PTK2: variants seen among roughly 807,000 people sequenced by gnomAD.
PTK2 encodes focal adhesion kinase 1.
In PTK2, 45 loss-of-function variants were observed where a neutral mutation model predicts 150.1. The ratio of observed to expected loss-of-function variants is 0.30; its 90% CI spans 0.24 to 0.38. The LOEUF is 0.38. Ranked by LOEUF, PTK2 falls within the 10% of genes least tolerant of loss-of-function variation. The pLI is 1.00. For synonymous variants in PTK2, 432 were observed against 449.2 expected (o/e 0.96, Z 0.48); for missense variants, 919 against 1,307.3 (o/e 0.70, Z 4.58).
chr8:140,880,066 T>TC (rs2100148321), intron 3 of PTK2, among the ~76,000 whole-genome samples: 1 of 152,160 alleles, frequency 6.6e-6, no homozygotes, highest in South Asian at 2.1e-4. Context: ...ATCATACTGT[T>TC]CAAGACCAGG....
chr8:140,934,589 C>T (rs1341727074), intron 1 of PTK2: 1 of 152,246 alleles, frequency 6.6e-6, no homozygotes, highest in East Asian at 1.9e-4. Flanking sequence ...CCTCCAGTGG[C>T]TTCCCATCTG....
At chr8:140,949,278 A>G (rs1019952690) in intron 1 of PTK2, among the ~76,000 whole-genome samples, 13 of 152,356 alleles carry the variant, frequency 8.5e-5, no homozygotes, top group African/African-American at 2.9e-4. Flanking sequence ...TCCAGTCTAC[A>G]GTACTGATAG....
chr8:140,978,889 G>A (rs535271272), intron 1 of PTK2, among the ~76,000 whole-genome samples: 1 of 152,156 alleles, frequency 6.6e-6, no homozygotes, highest in Non-Finnish European at 1.5e-5. Flanking sequence ...ACTGGATTAA[G>A]ATAATGTGGC....
intron 4 of PTK2, among the ~76,000 whole-genome samples, chr8:140,872,152 C>G (rs1262164499): frequency 1.3e-5 from 2 of 152,182 alleles, no homozygotes; most frequent in Non-Finnish European, 2.9e-5. Flanking sequence ...TCAAGCGATT[C>G]TCCAGCCTCA....
At chr8:140,702,485 G>A (rs1273833250) in intron 25 of PTK2, 85 bp downstream of exon 28, 2 of 1,488,366 alleles carry the variant, frequency 1.3e-6, no homozygotes, top group East Asian at 2.3e-5. Context: ...TCCCAAAAGT[G>A]CTAGGATTAC....
chr8:140,840,860 C>T (rs576751487), intron 7 of PTK2, among the ~76,000 whole-genome samples: 2 of 152,162 alleles, frequency 1.3e-5, no homozygotes, highest in African/African-American at 4.8e-5. Flanking sequence ...TTTTAAAAGA[C>T]ACACCTGAAA....
At chr8:140,961,947 G>C (rs1410763442) in intron 1 of PTK2, among the ~76,000 whole-genome samples, 1 of 152,062 alleles carries the variant, frequency 6.6e-6, no homozygotes, top group Non-Finnish European at 1.5e-5. Context: ...TATTGAGTTA[G>C]TATCTTTAAA....
intron 16 of PTK2, among the ~76,000 whole-genome samples, chr8:140,754,827 A>T (rs950067547): frequency 6.6e-6 from 1 of 152,236 alleles, no homozygotes; most frequent in Non-Finnish European, 1.5e-5. Context: ...TAGAAGGGCC[A>T]GTTACAGAGA....
intron 1 of PTK2, among the ~76,000 whole-genome samples, chr8:140,989,212 TAAA>T (rs71310816): frequency 3.3e-5 from 2 of 60,580 alleles, no homozygotes; most frequent in Non-Finnish European, 5.8e-5. Flanking sequence ...ACCCTGTCTC[TAAA>T]AAAAAAAAAA....
chr8:140,780,411 A>T (rs1409520421), intron 14 of PTK2, among the ~76,000 whole-genome samples: 1 of 152,084 alleles, frequency 6.6e-6, no homozygotes, highest in Non-Finnish European at 1.5e-5. Context: ...GGAGGGGGGG[A>T]ATCAAGCCCA....
intron 29 of PTK2, chr8:140,672,011 CCCTAT>C: frequency 2.9e-6 from 1 of 344,294 alleles, no homozygotes; most frequent in Non-Finnish European, 5.7e-6. Context: ...TTGCTTCATA[CCCTAT>C]CCTAATTGTA....
At chr8:140,725,542 G>C (rs912057314) in intron 22 of PTK2, among the ~76,000 whole-genome samples, 4 of 152,208 alleles carry the variant, frequency 2.6e-5, no homozygotes, top group Admixed American at 2.0e-4. Flanking sequence ...TTACTGGCTT[G>C]AATAACCAGA....
Position 140,733,084 on chromosome 8 carries a change from T to G in PTK2, c.2030+2167A>C, listed in dbSNP as rs114377846. Among the ~76,000 whole-genome samples, 682 of 152,228 alleles carry G rather than the reference T, an allele frequency of 4.5e-3. 4 individuals carry two copies. The highest frequency in any genetic ancestry group is 0.016 in the African/African-American group (645 of 41,520). On this transcript the variant is annotated intron_variant, in intron 22 of 31. Transcript: ENST00000522684. ...CAGGGGAGTTATTTTTCCAGTGACA[T>G]TTCAGGAAGATTGACTAAGCTGGTC...
At chr8:140,734,050 T>C (rs2100051133) in intron 22 of PTK2, among the ~76,000 whole-genome samples, 2 of 152,210 alleles carry the variant, frequency 1.3e-5, no homozygotes, top group African/African-American at 4.8e-5. Flanking sequence ...CTTCTACCTA[T>C]AGGTCTTAAT....
At position 140,693,564 on chromosome 8, in the gene PTK2, TAAAAAA is replaced by T. The variant is rs377205785; in HGVS notation, c.2500-6876_2500-6871del. On this transcript the variant is annotated intron_variant, in intron 26 of 31. Transcript: ENST00000522684. ...CCACAGAGTGAGACTTTGTCTCAAT[TAAAAAA>T]AAAAAAAAAAAAAAAAAAAAAAAAA... Among the ~76,000 whole-genome samples the T allele has an allele frequency of 1.1e-4, 8 of 72,458 alleles. 1 individual carries two copies. Among genetic ancestry groups the T allele is most frequent in the East Asian group, 4.6e-4 (1 of 2,164 alleles). 47.5% of individuals were successfully genotyped at this position (72,458 alleles called of 152,430 possible). A position where few individuals can be genotyped will look rare whatever the true frequency, so the allele number is the denominator to read the frequency against.
intron 26 of PTK2, among the ~76,000 whole-genome samples, chr8:140,694,951 G>A (rs1043089121): frequency 5.9e-5 from 9 of 152,056 alleles, no homozygotes; most frequent in South Asian, 2.1e-4. Flanking sequence ...ACACTACACC[G>A]CACCAGGCGT....
chr8:140,813,990 G>T (rs907479739), intron 10 of PTK2, among the ~76,000 whole-genome samples: 3 of 152,126 alleles, frequency 2.0e-5, no homozygotes, highest in Non-Finnish European at 4.4e-5. Flanking sequence ...CAACCCCACA[G>T]AAATACAAAT....
At chr8:140,776,745 G>C (rs895725737) in intron 14 of PTK2, among the ~76,000 whole-genome samples, 4 of 152,100 alleles carry the variant, frequency 2.6e-5, no homozygotes, top group African/African-American at 9.7e-5. Context: ...TAGTGGCCAC[G>C]GGTCTGGAGT....
chr8:140,804,755 C>T (rs948475225), intron 10 of PTK2, among the ~76,000 whole-genome samples: 1 of 152,180 alleles, frequency 6.6e-6, no homozygotes, highest in African/African-American at 2.4e-5. Flanking sequence ...CACTGGGCTG[C>T]CCTTCCCAGC....
Sources: allele counts gnomAD v4.1 joint callset (sites outside exome capture counted in the v4.1 genomes callset), GRCh38; gene constraint gnomAD v4.1.1; transcripts MANE v1.5; gene names NCBI Gene and HGNC (gene_info 2026-07-23, HGNC 2026-07-21).